The following VWA2 variants were observed in gnomAD, a reference collection of about 807,000 sequenced individuals.
VWA2 encodes the protein von Willebrand factor A domain containing 2, also known as von Willebrand factor A domain-containing protein 2.
In VWA2, 73 loss-of-function variants were observed where a neutral mutation model predicts 70.4. The ratio of observed to expected loss-of-function variants is 1.04; its 90% CI spans 0.86 to 1.26. The LOEUF (loss-of-function observed/expected upper bound fraction) is 1.26, where lower values mean the gene tolerates loss of function less well. VWA2 is among the 50% of genes most tolerant of loss of function. The pLI, the probability that VWA2 is intolerant of heterozygous loss-of-function variation, is 0.00. For synonymous variants in VWA2, 407 were observed against 423.3 expected (o/e 0.96, Z 0.47); for missense variants, 1,011 against 998.5 (o/e 1.01, Z -0.17).
intron 4 of VWA2, among the ~76,000 whole-genome samples, chr10:114,255,969 T>C (rs773954746): frequency 2.6e-5 from 4 of 152,202 alleles, no homozygotes; most frequent in South Asian, 2.1e-4. Context: ...ACATGCTTCA[T>C]TGGCAAATCT....
chr10:114,285,000 C>G, intron 10 of VWA2, 30 bp downstream of exon 10: 1 of 1,516,530 alleles, frequency 6.6e-7, no homozygotes, highest in Non-Finnish European at 8.9e-7. Flanking sequence ...GCAAGACTGA[C>G]CACTGGGGAG....
At chr10:114,277,890 A>G (rs757617619) in intron 6 of VWA2, 24 bp from the exon 7 acceptor site, 2 of 1,589,512 alleles carry the variant, frequency 1.3e-6, no homozygotes, top group Admixed American at 3.4e-5. Flanking sequence ...TAGGACCACA[A>G]GCTGTTACAA....
chr10:114,288,972 G>A lies in VWA2; in HGVS notation c.1605G>A (p.Met535Ile). The change falls in exon 12 of 14, where the codon ATG becomes ATA. Residue 535 changes from methionine to isoleucine, a missense_variant. By Grantham distance (10) the Met-to-Ile change is conservative. Transcript: ENST00000392982. Reference sequence around the variant, plus strand: ...CACAAGCCCTGGACCTCGTCTTCATGTTGGACACCTCTGCCTCAGTAGGGC... The same window carrying A: ...CACAAGCCCTGGACCTCGTCTTCATATTGGACACCTCTGCCTCAGTAGGGC... Reference protein sequence around the residue: ...CRTQALDLVFMLDTSASVGPE... With the variant: ...CRTQALDLVFILDTSASVGPE... 6.2e-7 allele frequency: 1 copy of A among 1,613,546 alleles called. No individual in the cohort carries two copies. Among genetic ancestry groups the A allele is most frequent in the Non-Finnish European group, 8.5e-7 (1 of 1,179,654 alleles).
Position 114,292,316 on chromosome 10 carries a change from C to T in VWA2, c.*1079C>T, listed in dbSNP as rs994695589. On this transcript the variant is annotated 3_prime_UTR_variant, in exon 14 of 14. Coordinates refer to ENST00000392982, the MANE Select transcript of VWA2 (RefSeq NM_001272046.2). ...TGTACTTAGGAGGGGTTAATTGTGG[C>T]GTGTTTATGGAATTCTTTCCTTATT... 1.5e-4 allele frequency among the ~76,000 whole-genome samples: 23 copies of T among 151,802 alleles called. No individual in the cohort carries two copies. Among genetic ancestry groups the T allele is most frequent in the Admixed American group, 1.2e-3 (18 of 15,236 alleles).
At chr10:114,268,065 T>C (rs976865041) in intron 5 of VWA2, among the ~76,000 whole-genome samples, 7 of 152,132 alleles carry the variant, frequency 4.6e-5, no homozygotes, top group African/African-American at 1.7e-4. Context: ...CCTCTAACAA[T>C]ACTATTTCTT....
At position 114,278,581 on chromosome 10, in the gene VWA2, TGA is replaced by T. The variant is rs2037906047; in HGVS notation, c.701-132_701-131del. On this transcript the variant is annotated intron_variant, in intron 7 of 13. Transcript: ENST00000392982. ...CTTCACCCAGAGATATGCCCTGACC[TGA>T]GAGAGCAGAAAGTGGCCAGCCTGGA... The T allele has an allele frequency of 1.3e-5, 16 of 1,268,788 alleles. No homozygotes were observed. The South Asian group carries it at 1.8e-4, about 14-fold the overall frequency. 78.6% of individuals were successfully genotyped at this position (1,268,788 alleles called of 1,614,324 possible).
chr10:114,281,556 T>C (rs2038117918), intron 8 of VWA2, among the ~76,000 whole-genome samples: 2 of 152,254 alleles, frequency 1.3e-5, no homozygotes, highest in African/African-American at 4.8e-5. Flanking sequence ...ACCCAAGGAA[T>C]GGTGGCTGCT....
chr10:114,239,656 G>GC (rs1479170218), intron 1 of VWA2, 87 bp downstream of exon 1: 1 of 152,374 alleles, frequency 6.6e-6, no homozygotes, highest in Non-Finnish European at 1.5e-5. Flanking sequence ...CGGTACTGGG[G>GC]CCCCCTCTGC....
chr10:114,287,135 C>A (rs1287018512), intron 11 of VWA2, among the ~76,000 whole-genome samples: 1 of 152,164 alleles, frequency 6.6e-6, no homozygotes, highest in Non-Finnish European at 1.5e-5. Flanking sequence ...GAACACTGTC[C>A]CCACGCAGAG....
At chr10:114,281,765 A>G (rs554697390) in intron 8 of VWA2, 3 of 985,322 alleles carry the variant, frequency 3.0e-6, no homozygotes, top group East Asian at 2.3e-4. Context: ...TTCTCTCCCC[A>G]TCGAAGCTTT....
At chr10:114,287,171 T>C (rs942904895) in intron 11 of VWA2, among the ~76,000 whole-genome samples, 1 of 152,194 alleles carries the variant, frequency 6.6e-6, no homozygotes, top group African/African-American at 2.4e-5. Context: ...AGAGATGTAG[T>C]AGCTGAAACA....
intron 5 of VWA2, among the ~76,000 whole-genome samples, chr10:114,271,608 A>AAACACACAC (rs1554857175): frequency 6.9e-6 from 1 of 144,700 alleles, no homozygotes; most frequent in Non-Finnish European, 1.5e-5. Context: ...GAGAAGTAAA[A>AAACACACAC]ACACACACAC....
intron 4 of VWA2, among the ~76,000 whole-genome samples, chr10:114,256,137 G>A (rs2037322227): frequency 6.6e-6 from 1 of 152,202 alleles, no homozygotes; most frequent in Admixed American, 6.5e-5. Flanking sequence ...ACATGCCCAT[G>A]CAAAATCGTA....
chr10:114,291,099 G>C, intron 13 of VWA2, 119 bp from the exon 14 acceptor site: 1 of 1,200,950 alleles, frequency 8.3e-7, no homozygotes, highest in Non-Finnish European at 1.2e-6. Flanking sequence ...GGCATCTTCT[G>C]CTGGGGGCGA....
At chr10:114,255,156 A>G in intron 4 of VWA2, 108 bp downstream of exon 4, 2 of 1,398,166 alleles carry the variant, frequency 1.4e-6, no homozygotes, top group East Asian at 4.6e-5. Context: ...AGCTGGGAAG[A>G]CCAAGGGGCT....
At position 114,272,827 on chromosome 10, in the gene VWA2, C is replaced by G. The variant is rs1261616892; in HGVS notation, c.459C>G (p.Ile153Met). The change falls in exon 6 of 14, where the codon ATC becomes ATG. Residue 153 changes from isoleucine (I) to methionine (M), a missense_variant. Coordinates refer to ENST00000392982, the MANE Select transcript of VWA2 (RefSeq NM_001272046.2). Reference protein sequence around the residue: ...PGGRNASVPQILIIVTDGKSQ... With the variant: ...PGGRNASVPQMLIIVTDGKSQ... ...GCAGAAATGCTTCTGTGCCCCAGAT[C>G]CTCATCATCGTCACTGATGGGAAGT... The G allele has an allele frequency of 6.2e-7, 1 of 1,614,050 alleles. No individual in the cohort carries two copies. Among genetic ancestry groups the G allele is most frequent in the Non-Finnish European group, 8.5e-7 (1 of 1,179,992 alleles).
At position 114,289,253 on chromosome 10, in the gene VWA2, G is replaced by A. The variant is rs371230333; in HGVS notation, c.1886G>A (p.Arg629Gln). ...GTGATGACCGTCCAGAGGGGTGCCCGGCCTGGTGTCCCCAAAGCTGTGGTG... is the reference window on the plus strand; with the variant it reads ...GTGATGACCGTCCAGAGGGGTGCCCAGCCTGGTGTCCCCAAAGCTGTGGTG... ...DKVMTVQRGA[R>Q]PGVPKAVVVL... The change falls in exon 12 of 14, where the codon CGG becomes CAG. Residue 629 changes from arginine (R) to glutamine (Q), a missense_variant. Coordinates refer to ENST00000392982, the MANE Select transcript of VWA2 (RefSeq NM_001272046.2). 2.4e-5 allele frequency: 38 copies of A among 1,613,980 alleles called. No individual in the cohort carries two copies. The highest frequency in any genetic ancestry group is 4.5e-5 in the East Asian group (2 of 44,896).
chr10:114,240,378 CAGAAG>C (rs1007856603), intron 1 of VWA2, among the ~76,000 whole-genome samples: 50 of 152,236 alleles, frequency 3.3e-4, no homozygotes, highest in Middle Eastern at 3.4e-3. Context: ...GGGCACCAGA[CAGAAG>C]AGAAGGGAGG....
intron 5 of VWA2, among the ~76,000 whole-genome samples, chr10:114,268,587 C>T (rs568126735): frequency 1.3e-3 from 193 of 152,336 alleles, no homozygotes; most frequent in Non-Finnish European, 1.2e-3. Context: ...TCACTATTCT[C>T]TGAGTGGGGT....
Sources: gnomAD v4.1 joint callset for allele counts (sites outside exome capture counted in the v4.1 genomes callset) on GRCh38, gnomAD v4.1.1 for gene constraint, MANE v1.5 for transcripts, NCBI Gene and HGNC (gene_info 2026-07-23, HGNC 2026-07-21) for gene names.